Variants in NRXN3 observed in about 807,000 individuals in gnomAD.
NRXN3 encodes the protein neurexin 3.
NRXN3 carries 32 observed loss-of-function variants against 137.6 expected under a neutral mutation model. That is an observed-to-expected ratio of 0.23 (90% CI 0.18 to 0.31). The LOEUF is 0.31. Among genes scored for constraint, NRXN3 ranks in the 10% least tolerant of loss-of-function variants. NRXN3 has a pLI of 1.00. For missense variants in NRXN3, 1,574 were observed against 2,062.5 expected (o/e 0.76, Z 4.59); for synonymous variants, 798 against 784.5 (o/e 1.02, Z -0.29).
chr14:78,469,260 A>G (rs2095205671), intron 4 of NRXN3, among the ~76,000 whole-genome samples: 1 of 152,166 alleles, frequency 6.6e-6, no homozygotes, highest in African/African-American at 2.4e-5. Context: ...TTGTGCCCAT[A>G]CGTTAGAATC....
chr14:78,881,910 C>T (rs2099130062), intron 10 of NRXN3, among the ~76,000 whole-genome samples: 1 of 151,608 alleles, frequency 6.6e-6, no homozygotes, highest in Non-Finnish European at 1.5e-5. Flanking sequence ...CCATCACAAA[C>T]CTGGAGGCCT....
intron 10 of NRXN3, among the ~76,000 whole-genome samples, chr14:78,927,498 C>T (rs745386196): frequency 5.9e-5 from 9 of 152,146 alleles, no homozygotes; most frequent in South Asian, 2.1e-4. Context: ...ATGCTGACCT[C>T]GGCTGAAACA....
intron 15 of NRXN3, among the ~76,000 whole-genome samples, chr14:79,364,181 T>A (rs1391850509): frequency 6.6e-6 from 1 of 152,216 alleles, no homozygotes; most frequent in Non-Finnish European, 1.5e-5. Context: ...TTCTTCTTTT[T>A]TCTGTCTTCT....
At chr14:79,280,508 C>G (rs1227532611) in intron 15 of NRXN3, 8 of 1,613,156 alleles carry the variant, frequency 5.0e-6, no homozygotes, top group Non-Finnish European at 6.8e-6. Flanking sequence ...TTCTATCTAT[C>G]GTTCCCCTGT....
intron 15 of NRXN3, among the ~76,000 whole-genome samples, chr14:79,120,922 A>G (rs2055302858): frequency 6.6e-6 from 1 of 152,110 alleles, no homozygotes; most frequent in Admixed American, 6.6e-5. Flanking sequence ...GGAGGATTCT[A>G]AGTAATCTTA....
At position 79,129,975 on chromosome 14, in the gene NRXN3, G is replaced by A. The variant is rs1377555213; in HGVS notation, c.3262+141834G>A. ...TTTGATTTTTGTTGGTTTAAAGTCT[G>A]TTTTATCAGAGACTAGGATTGCAAC... On this transcript the variant is annotated intron_variant, in intron 15 of 20. Coordinates refer to ENST00000335750, the MANE Select transcript of NRXN3 (RefSeq NM_001330195.2). Among the ~76,000 whole-genome samples the A allele has an allele frequency of 1.1e-4, 17 of 151,418 alleles. No homozygotes were observed. The East Asian group carries it at 1.4e-3, about 12-fold the overall frequency.
intron 16 of NRXN3, among the ~76,000 whole-genome samples, chr14:79,654,229 T>C (rs221454): frequency 0.54 from 81,625 of 151,850 alleles, 25,297 homozygotes; most frequent in African/African-American, 0.87. Flanking sequence ...TTTGATCCTC[T>C]CACCCTATTT....
At chr14:79,782,483 C>A (rs930691561) in intron 19 of NRXN3, among the ~76,000 whole-genome samples, 1 of 151,792 alleles carries the variant, frequency 6.6e-6, no homozygotes, top group East Asian at 1.9e-4. Flanking sequence ...ATTATGGTCT[C>A]TTGAATATTC....
intron 4 of NRXN3, among the ~76,000 whole-genome samples, chr14:78,602,835 T>A (rs546059557): frequency 6.6e-6 from 1 of 152,318 alleles, no homozygotes; most frequent in Non-Finnish European, 1.5e-5. Flanking sequence ...TCCACTTTGC[T>A]ACTGGGTCAG....
intron 15 of NRXN3, among the ~76,000 whole-genome samples, chr14:79,308,327 A>G (rs984964491): frequency 2.6e-5 from 4 of 152,064 alleles, no homozygotes; most frequent in Non-Finnish European, 1.5e-5. Context: ...CTTTGCCTCA[A>G]GTTCCCAAAG....
chr14:78,786,365 T>C (rs536704789), intron 8 of NRXN3, among the ~76,000 whole-genome samples: 1 of 152,310 alleles, frequency 6.6e-6, no homozygotes, highest in East Asian at 1.9e-4. Context: ...ATACATTATA[T>C]AGCATCCAAC....
chr14:78,943,660 ATATATATATATATATATATC>A (rs2099359472), intron 10 of NRXN3, among the ~76,000 whole-genome samples: 2 of 87,586 alleles, frequency 2.3e-5, no homozygotes, highest in African/African-American at 4.9e-5. Context: ...ATATATATAT[ATATATATATATATATATATC>A]TCAAAGAATC....
chr14:79,509,922 G>A (rs2096916260), intron 16 of NRXN3, among the ~76,000 whole-genome samples: 1 of 152,186 alleles, frequency 6.6e-6, no homozygotes, highest in African/African-American at 2.4e-5. Flanking sequence ...AGAAATAAAA[G>A]AAGATCATAG....
chr14:78,903,038 T>C (rs897570368), intron 10 of NRXN3, among the ~76,000 whole-genome samples: 1 of 151,852 alleles, frequency 6.6e-6, no homozygotes, highest in Non-Finnish European at 1.5e-5. Flanking sequence ...CCTCAACTCC[T>C]GCTCTCCACA....
intron 4 of NRXN3, among the ~76,000 whole-genome samples, chr14:78,487,410 T>G (rs899595239): frequency 6.6e-6 from 1 of 152,044 alleles, no homozygotes; most frequent in Non-Finnish European, 1.5e-5. Flanking sequence ...GCCAAGGAAA[T>G]GTTTGTCTTA....
In NRXN3 at chr14:79,122,264, G is replaced by C. The variant is rs150145698; in HGVS notation, c.3262+134123G>C. 2.4e-3 allele frequency among the ~76,000 whole-genome samples: 362 copies of C among 152,316 alleles called. 9 individuals carry two copies. In the South Asian group the frequency reaches 0.036, roughly 15 times the overall value. Reference sequence around the variant, plus strand: ...GATTAATGAGCAGCAAACAGGAATTGATGGGAGTCCTCTGACATTTTGAGG... The same window carrying C: ...GATTAATGAGCAGCAAACAGGAATTCATGGGAGTCCTCTGACATTTTGAGG... On this transcript the variant is annotated intron_variant, in intron 15 of 20. Coordinates refer to ENST00000335750, the MANE Select transcript of NRXN3 (RefSeq NM_001330195.2).
chr14:78,331,317 A>G (rs537493936), intron 4 of NRXN3, among the ~76,000 whole-genome samples: 7 of 152,218 alleles, frequency 4.6e-5, no homozygotes, highest in Non-Finnish European at 1.0e-4. Context: ...CAGTTTAGCT[A>G]CTGAGCACTG....
intron 2 of NRXN3, among the ~76,000 whole-genome samples, chr14:78,256,953 GGT>G (rs1280120996): frequency 1.3e-5 from 2 of 152,176 alleles, no homozygotes; most frequent in Non-Finnish European, 2.9e-5. Context: ...TTCAGGATCA[GGT>G]GATACCTAAG....
chr14:78,229,420 C>T (rs1199526270), intron 1 of NRXN3, among the ~76,000 whole-genome samples: 1 of 152,060 alleles, frequency 6.6e-6, no homozygotes, highest in African/African-American at 2.4e-5. Flanking sequence ...TGCACACTTG[C>T]TTGATGATCC....
Sources: gnomAD v4.1 joint callset for allele counts (sites outside exome capture counted in the v4.1 genomes callset) on GRCh38, gnomAD v4.1.1 for gene constraint, MANE v1.5 for transcripts, NCBI Gene and HGNC (gene_info 2026-07-23, HGNC 2026-07-21) for gene names.